The following TRAP1 variants were observed in gnomAD, a reference collection of about 807,000 sequenced individuals.
TRAP1 encodes the protein heat shock protein 75 kDa, mitochondrial.
Under a neutral mutation model 89.1 loss-of-function variants are expected in TRAP1, and 102 were observed. That is an observed-to-expected ratio of 1.15 (90% confidence interval 0.98 to 1.35). The LOEUF is 1.35. Among genes scored for constraint, TRAP1 ranks in the 40% most tolerant of loss-of-function variants. The pLI is 0.00. For missense variants in TRAP1, 1,256 were observed against 945.3 expected (o/e 1.33, Z -4.31); for synonymous variants, 508 against 388.0 (o/e 1.31, Z -3.64).
chr16:3,660,103 T>C (rs1176074720), intron 16 of TRAP1: 1 of 152,144 alleles, frequency 6.6e-6, no homozygotes, highest in African/African-American at 2.4e-5. Context: ...ATTCTTAATA[T>C]GCTAATGTGG....
At chr16:3,661,838 G>A in intron 16 of TRAP1, 149 bp downstream of exon 16, 7 of 1,083,572 alleles carry the variant, frequency 6.5e-6, no homozygotes, top group Non-Finnish European at 8.7e-6. Context: ...CATGGGTGCA[G>A]CCTAAACTGC....
chr16:3,677,530 C>T lies in TRAP1; in HGVS notation c.672G>A (p.Pro224=), dbSNP rs372756550. 8.7e-6 allele frequency: 14 copies of T among 1,614,054 alleles called. No homozygotes were observed. Among genetic ancestry groups the T allele is most frequent in the South Asian group, 4.4e-5 (4 of 91,090 alleles). Residue 224 remains proline (P), a synonymous_variant, in exon 6 of 18, where the codon CCG becomes CCA. Coordinates refer to ENST00000246957, the MANE Select transcript of TRAP1 (RefSeq NM_016292.3). The part of the protein sequence containing the change: ...RVEVYSRSAA[P]GSLGYQWLSD... ...AAAGCCACTGGTAACCCAGGCTCCC[C>T]GGGGCTGCCGAGCGGGAATAGACCT... is the stretch of plus-strand genomic sequence containing the variant.
intron 1 of TRAP1, among the ~76,000 whole-genome samples, chr16:3,712,239 A>T (rs1315194308): frequency 7.9e-6 from 1 of 126,844 alleles, no homozygotes; most frequent in Admixed American, 1.0e-4. Flanking sequence ...CAGTGAGCTG[A>T]GGTCATGCCA....
At chr16:3,707,829 G>A (rs753721992) in intron 1 of TRAP1, among the ~76,000 whole-genome samples, 3 of 148,408 alleles carry the variant, frequency 2.0e-5, no homozygotes, top group South Asian at 4.3e-4. Flanking sequence ...ACTCCAGCCT[G>A]GGCAACAGAC....
At chr16:3,703,419 C>G (rs780121840) in intron 1 of TRAP1, among the ~76,000 whole-genome samples, 1 of 151,818 alleles carries the variant, frequency 6.6e-6, no homozygotes, top group Non-Finnish European at 1.5e-5. Flanking sequence ...TGTGCTGATG[C>G]TGAATTACCT....
chr16:3,671,102 G>C (rs781326911), intron 11 of TRAP1, among the ~76,000 whole-genome samples: 1 of 152,136 alleles, frequency 6.6e-6, no homozygotes, highest in African/African-American at 2.4e-5. Flanking sequence ...TGCTGCACGT[G>C]GTGGGCTCTT....
rs953995486 is a variant in TRAP1, at chr16:3,679,460, C to A, written c.543+259G>T. ...AAGAAGATGTGTCTACAATATACGG[C>A]ACCAATTTAATCCGGGACTGGAGCA... On this transcript the variant is annotated intron_variant, in intron 5 of 17. Coordinates refer to ENST00000246957, the MANE Select transcript of TRAP1 (RefSeq NM_016292.3). 1.1e-4 allele frequency among the ~76,000 whole-genome samples: 17 copies of A among 152,274 alleles called. 1 individual carries two copies. The highest frequency in any genetic ancestry group is 1.1e-3 in the Admixed American group (17 of 15,310).
At chr16:3,707,426 C>T (rs1467979504) in intron 1 of TRAP1, among the ~76,000 whole-genome samples, 2 of 150,854 alleles carry the variant, frequency 1.3e-5, no homozygotes, top group Non-Finnish European at 3.0e-5. Flanking sequence ...AACTCGTGAT[C>T]CACCTGCCTC....
chr16:3,687,651 A>G (rs1229498052), intron 3 of TRAP1, among the ~76,000 whole-genome samples: 2 of 152,116 alleles, frequency 1.3e-5, no homozygotes, highest in Non-Finnish European at 2.9e-5. Flanking sequence ...TGGGAGGCTG[A>G]AACAGGCAGA....
chr16:3,691,091 C>G (rs2051208544), intron 1 of TRAP1, 106 bp from the exon 2 acceptor site: 1 of 1,092,806 alleles, frequency 9.2e-7, no homozygotes, highest in East Asian at 3.0e-5. Context: ...GTGGACATCT[C>G]TAAGTCGGGC....
At chr16:3,668,397 G>C (rs911665941) in intron 11 of TRAP1, among the ~76,000 whole-genome samples, 1 of 152,184 alleles carries the variant, frequency 6.6e-6, no homozygotes, top group Non-Finnish European at 1.5e-5. Context: ...TGAATGTATT[G>C]AGAGTTTCAT....
At chr16:3,706,775 T>G (rs186802450) in intron 1 of TRAP1, among the ~76,000 whole-genome samples, 2 of 152,290 alleles carry the variant, frequency 1.3e-5, no homozygotes, top group East Asian at 3.9e-4. Flanking sequence ...TTCCACCTTC[T>G]GATGGACCTT....
At position 3,658,056 on chromosome 16, in the gene TRAP1, TAAATTTAGGTAAA is replaced by T. The variant is rs2042816887; in HGVS notation, c.*60_*72del. ...ACACACTCGGGTTAAGAAATACCTT[TAAATTTAGGTAAA>T]TAAAGCTCAAGGAGGTGGGGCTGTC... On this transcript the variant is annotated 3_prime_UTR_variant, in exon 18 of 18. Coordinates refer to ENST00000246957, the MANE Select transcript of TRAP1 (RefSeq NM_016292.3). The T allele has an allele frequency of 6.2e-7, 1 of 1,606,476 alleles. No homozygotes were observed. Among genetic ancestry groups the T allele is most frequent in the Non-Finnish European group, 8.5e-7 (1 of 1,175,226 alleles).
intron 9 of TRAP1, among the ~76,000 whole-genome samples, chr16:3,674,063 T>C (rs2050953046): frequency 1.3e-5 from 2 of 152,142 alleles, no homozygotes; most frequent in African/African-American, 4.8e-5. Flanking sequence ...ACCTCTGTGG[T>C]TACCCACCCA....
Position 3,691,014 on chromosome 16 carries a change from A to T in TRAP1, c.89-29T>A, listed in dbSNP as rs1264488582. The T allele has an allele frequency of 6.3e-6, 9 of 1,437,668 alleles. No homozygotes were observed. The East Asian group carries it at 2.4e-4, about 38-fold the overall frequency. The allele number at this position is 1,437,668 out of a possible 1,614,324, so 89.1% of individuals were successfully genotyped here. The stretch of plus-strand genomic sequence containing the variant: ...AAAAGACAAATATGCAGAAAGAATG[A>T]GAATTAGGAAGACACGAGAAACAAT... On this transcript the variant is annotated intron_variant, in intron 1 of 17. Transcript: ENST00000246957.
intron 1 of TRAP1, among the ~76,000 whole-genome samples, chr16:3,699,629 CA>C (rs35602361): frequency 0.35 from 25,592 of 72,104 alleles, 1,984 homozygotes; most frequent in African/African-American, 0.47. Context: ...AACTCCGTCT[CA>C]AAAAAAAAAA....
In TRAP1 at chr16:3,673,423, C is replaced by T. The variant is rs1204957800; in HGVS notation, c.1045-603G>A. 2.0e-5 allele frequency among the ~76,000 whole-genome samples: 3 copies of T among 152,334 alleles called. No homozygotes were observed. In the East Asian group the frequency reaches 5.8e-4, roughly 29 times the overall value. On this transcript the variant is annotated intron_variant, in intron 9 of 17. Transcript: ENST00000246957. ...TCTGGCCCTCGTGGAACGTGCCTGCCAACACCTGCTCCACACTGGTACTTC... is the reference window on the plus strand; with the variant it reads ...TCTGGCCCTCGTGGAACGTGCCTGCTAACACCTGCTCCACACTGGTACTTC...
At chr16:3,684,847 G>A (rs767958859) in intron 4 of TRAP1, among the ~76,000 whole-genome samples, 3 of 152,102 alleles carry the variant, frequency 2.0e-5, no homozygotes, top group Non-Finnish European at 4.4e-5. Context: ...CGGCTATTGA[G>A]AATAGAAAAA....
Position 3,658,096 on chromosome 16 carries a change from T to C in TRAP1, c.*33A>G, listed in dbSNP as rs776252604. On this transcript the variant is annotated 3_prime_UTR_variant, in exon 18 of 18. Transcript: ENST00000246957. ...AAAGCTCAAGGAGGTGGGGCTGTCA[T>C]CTGTGGTGTCAGTCCTTCTGGCCCC... 5.0e-6 allele frequency: 8 copies of C among 1,610,554 alleles called. No individual in the cohort carries two copies. The South Asian group carries it at 7.7e-5, about 15-fold the overall frequency.
Sources: gnomAD v4.1 joint callset for allele counts (sites outside exome capture counted in the v4.1 genomes callset) on GRCh38, gnomAD v4.1.1 for gene constraint, MANE v1.5 for transcripts, NCBI Gene and HGNC (gene_info 2026-07-23, HGNC 2026-07-21) for gene names.